The following NEDD4L variants were observed in gnomAD, a reference collection of about 807,000 sequenced individuals.
The protein encoded by NEDD4L is E3 ubiquitin-protein ligase NEDD4-like.
In NEDD4L, 54 loss-of-function variants were observed where a neutral mutation model predicts 148.9. The ratio of observed to expected loss-of-function variants is 0.36; its 90% CI spans 0.29 to 0.45. The LOEUF (loss-of-function observed/expected upper bound fraction) is 0.45, where lower values mean the gene tolerates loss of function less well. NEDD4L is among the 20% of genes least tolerant of loss of function. The probability of loss-of-function intolerance (pLI) is 1.00; values close to 1 mark genes in which losing one functional copy is unlikely to be tolerated. For synonymous variants in NEDD4L, 433 were observed against 440.7 expected, an observed-to-expected ratio of 0.98 and a Z score of 0.22; for missense variants, 856 against 1,233.8, an observed-to-expected ratio of 0.69 and a Z score of 4.59.
chr18:58,124,062 C>T (rs1259384593), intron 1 of NEDD4L, among the ~76,000 whole-genome samples: 7 of 152,194 alleles, frequency 4.6e-5, no homozygotes, highest in South Asian at 2.1e-4. Context: ...TGCCTCACTC[C>T]GTAGAAAGAA....
chr18:58,256,612 G>A lies in NEDD4L; in HGVS notation c.297+4558G>A. 8.1e-7 allele frequency: 1 copy of A among 1,232,260 alleles called. No homozygotes were observed. Among genetic ancestry groups the A allele is most frequent in the Non-Finnish European group, 1.0e-6 (1 of 988,038 alleles). 76.3% of individuals were successfully genotyped at this position (1,232,260 alleles called of 1,614,324 possible). On this transcript the variant is annotated intron_variant, in intron 5 of 30. Transcript: ENST00000400345. This position sits in a 1 kb window ranked among gnomAD's most constrained non-coding sequence, Gnocchi z 5.2. ...AAATCCGCAGGACGAACTCCGCGGA[G>A]AGGACTCCGCAGGGCCAGGGGTGCA...
At chr18:58,117,079 T>C (rs994477132) in intron 1 of NEDD4L, among the ~76,000 whole-genome samples, 21 of 152,234 alleles carry the variant, frequency 1.4e-4, no homozygotes, top group Non-Finnish European at 2.6e-4. Context: ...AGTAAACAGT[T>C]GAGGAATGAA....
At chr18:58,167,146 A>G (rs2036949288) in intron 2 of NEDD4L, among the ~76,000 whole-genome samples, 1 of 152,248 alleles carries the variant, frequency 6.6e-6, no homozygotes, top group Non-Finnish European at 1.5e-5. Context: ...GAATGGTGTC[A>G]CAAGGAACCT....
chr18:58,335,920 G>C (rs996634980), intron 13 of NEDD4L: 2 of 204,232 alleles, frequency 9.8e-6, no homozygotes, highest in South Asian at 8.2e-5. Context: ...GCATGAGACT[G>C]TGTGTGTGAT....
intron 1 of NEDD4L, among the ~76,000 whole-genome samples, chr18:58,102,316 A>G (rs2084806974): frequency 6.6e-6 from 1 of 152,180 alleles, no homozygotes; most frequent in African/African-American, 2.4e-5. Context: ...ATTAAAAATC[A>G]ACTTTTAACT....
At chr18:58,204,156 C>T (rs1380516909) in intron 2 of NEDD4L, among the ~76,000 whole-genome samples, 5 of 152,100 alleles carry the variant, frequency 3.3e-5, no homozygotes, top group Admixed American at 2.6e-4. Flanking sequence ...GTGAGACCCC[C>T]GTCTCTACTA....
intron 12 of NEDD4L, 27 bp downstream of exon 12, chr18:58,333,919 A>G (rs1165937037): frequency 6.4e-7 from 1 of 1,562,306 alleles, no homozygotes; most frequent in Non-Finnish European, 8.8e-7. Context: ...TCCAGTCATC[A>G]GTTGACTTTT....
intron 11 of NEDD4L, among the ~76,000 whole-genome samples, chr18:58,331,361 G>T (rs992207607): frequency 6.6e-6 from 1 of 152,210 alleles, no homozygotes; most frequent in Non-Finnish European, 1.5e-5. Flanking sequence ...TTCTCATTTC[G>T]CTGATAAGGG....
chr18:58,087,805 C>T (rs1207553283), intron 1 of NEDD4L, among the ~76,000 whole-genome samples: 4 of 152,162 alleles, frequency 2.6e-5, no homozygotes, highest in African/African-American at 4.8e-5. Context: ...ACCTGGGAGG[C>T]GGAGGTTACG....
intron 1 of NEDD4L, among the ~76,000 whole-genome samples, chr18:58,098,439 G>A (rs192759685): frequency 2.0e-5 from 3 of 152,256 alleles, no homozygotes; most frequent in East Asian, 1.9e-4. Context: ...GCCTTTGATC[G>A]TGGAGCGCCA....
Position 58,044,610 on chromosome 18 carries a change from C to A in NEDD4L, c.-51C>A. On this transcript the variant is annotated 5_prime_UTR_variant, in exon 1 of 31. Coordinates refer to ENST00000400345, the MANE Select transcript of NEDD4L (RefSeq NM_001144967.3). ...AGAGGGGAGAACCGGCCGTCCGCGCCGCAGCACAGCCGCTGGGAGCGCCTC... is the reference window on the plus strand; with the variant it reads ...AGAGGGGAGAACCGGCCGTCCGCGCAGCAGCACAGCCGCTGGGAGCGCCTC... 4 of 1,553,142 alleles carry A rather than the reference C, an allele frequency of 2.6e-6. No homozygotes were observed. Among genetic ancestry groups the A allele is most frequent in the East Asian group, 2.5e-5 (1 of 40,518 alleles).
At chr18:58,187,827 A>T (rs546358056) in intron 2 of NEDD4L, among the ~76,000 whole-genome samples, 2 of 151,630 alleles carry the variant, frequency 1.3e-5, no homozygotes, top group East Asian at 3.9e-4. Context: ...CCCCACCCCC[A>T]TGTGCATTTC....
rs922312250 is a variant in NEDD4L, at chr18:58,400,447, C to T, written c.*4178C>T. 6.6e-6 allele frequency: 1 copy of T among 152,136 alleles called. No individual in the cohort carries two copies. Among genetic ancestry groups the T allele is most frequent in the African/African-American group, 2.4e-5 (1 of 41,418 alleles). The allele number at this position is 152,136 out of a possible 1,614,324, so 9.4% of individuals were successfully genotyped here. On this transcript the variant is annotated 3_prime_UTR_variant, in exon 31 of 31. Coordinates refer to ENST00000400345, the MANE Select transcript of NEDD4L (RefSeq NM_001144967.3). Reference sequence around the variant, plus strand: ...TGAACAGTGTCTATACATTTGCATACACACACCCCCACCCCAGAGTGTTCT... The same window carrying T: ...TGAACAGTGTCTATACATTTGCATATACACACCCCCACCCCAGAGTGTTCT...
rs80180317 is a variant in NEDD4L, at chr18:58,051,340, A to G, written c.48+6632A>G. ...AAGTCATTGAGTTTTGTACCCTTCA[A>G]ATGGATGAATTGTGTTGTGTATGAA... On this transcript the variant is annotated intron_variant, in intron 1 of 30. Coordinates refer to ENST00000400345, the MANE Select transcript of NEDD4L (RefSeq NM_001144967.3). 0.011 allele frequency among the ~76,000 whole-genome samples: 1,744 copies of G among 152,352 alleles called. 74 individuals carry two copies. The East Asian group carries it at 0.14, about 13-fold the overall frequency.
rs538319958 is a variant in NEDD4L at position 58,252,991 on chromosome 18, G to A, written c.297+937G>A. Among the ~76,000 whole-genome samples, 9 of 152,294 alleles carry A rather than the reference G, an allele frequency of 5.9e-5. No homozygotes were observed. In the South Asian group the frequency reaches 1.7e-3, roughly 28 times the overall value. ...CAACTATGAAAATGAACACTATCAT[G>A]TTAAGTCCTTAAGGTACCTTCAGAA... On this transcript the variant is annotated intron_variant, in intron 5 of 30. Transcript: ENST00000400345.
chr18:58,190,754 A>G (rs1026994736), intron 2 of NEDD4L, among the ~76,000 whole-genome samples: 4 of 152,192 alleles, frequency 2.6e-5, no homozygotes, highest in African/African-American at 7.2e-5. Flanking sequence ...GTGAGAACCT[A>G]TGATTTATAC....
Position 58,401,210 on chromosome 18 carries a change from A to G in NEDD4L, c.*4941A>G, listed in dbSNP as rs2147197652. On this transcript the variant is annotated 3_prime_UTR_variant, in exon 31 of 31. Coordinates refer to ENST00000400345, the MANE Select transcript of NEDD4L (RefSeq NM_001144967.3). ...AATTATCAATGTTTCATAACTTTTT[A>G]TTATAAACCCACCTCCTAATAGGAA... 6.6e-6 allele frequency: 1 copy of G among 152,364 alleles called. No individual in the cohort carries two copies. Among genetic ancestry groups the G allele is most frequent in the South Asian group, 2.1e-4 (1 of 4,818 alleles). The allele number at this position is 152,364 out of a possible 1,614,324, so 9.4% of individuals were successfully genotyped here. A position where few individuals can be genotyped will look rare whatever the true frequency, so the allele number is the denominator to read the frequency against.
intron 1 of NEDD4L, among the ~76,000 whole-genome samples, chr18:58,079,082 C>T (rs376299274): frequency 2.0e-5 from 3 of 152,126 alleles, no homozygotes; most frequent in South Asian, 2.1e-4. Context: ...CGAAGACACC[C>T]GTGTCTGCGG....
intron 2 of NEDD4L, among the ~76,000 whole-genome samples, chr18:58,234,713 G>C (rs1375593407): frequency 1.3e-5 from 2 of 152,124 alleles, no homozygotes; most frequent in Admixed American, 1.3e-4. Context: ...GGGGAACATA[G>C]TTCCCCATCT....
Sources: allele counts gnomAD v4.1 joint callset (sites outside exome capture counted in the v4.1 genomes callset), GRCh38; gene constraint gnomAD v4.1.1; non-coding constraint Gnocchi (gnomAD v3.1); transcripts MANE v1.5; gene names NCBI Gene and HGNC (gene_info 2026-07-23, HGNC 2026-07-21).